KDM4C: variants seen among roughly 807,000 people sequenced by gnomAD.
The protein encoded by KDM4C is lysine demethylase 4C.
A neutral mutation model predicts 129.3 loss-of-function variants in KDM4C; 81 were observed. That is an observed-to-expected ratio of 0.63 (90% CI 0.52 to 0.75). The LOEUF (loss-of-function observed/expected upper bound fraction) is 0.75, where lower values mean the gene tolerates loss of function less well. Among genes scored for constraint, KDM4C ranks in the 30% least tolerant of loss-of-function variants. KDM4C has a pLI of 0.00. For missense variants in KDM4C, 1,457 were observed against 1,304.0 expected, an observed-to-expected ratio of 1.12 and a Z score of -1.81; for synonymous variants, 573 against 456.1, an observed-to-expected ratio of 1.26 and a Z score of -3.26.
intron 1 of KDM4C, among the ~76,000 whole-genome samples, chr9:6,790,705 G>A (rs1385587905): frequency 6.7e-6 from 1 of 148,408 alleles, no homozygotes; most frequent in Non-Finnish European, 1.5e-5. Context: ...TTTCCAGGAG[G>A]ATTTGTTGTT....
rs1236102044 is a variant in KDM4C, at chr9:6,807,403, C to T, written c.320+1629C>T. Reference sequence around the variant, plus strand: ...GCCCAGTCTGGAAAGTGAGGAGCGTCTCCGCCCGGCCGCCATCCCATCTAG... The same window carrying T: ...GCCCAGTCTGGAAAGTGAGGAGCGTTTCCGCCCGGCCGCCATCCCATCTAG... On this transcript the variant is annotated intron_variant, in intron 3 of 21. Coordinates refer to ENST00000381309, the MANE Select transcript of KDM4C (RefSeq NM_015061.6). 1.4e-5 allele frequency among the ~76,000 whole-genome samples: 2 copies of T among 145,586 alleles called. 1 individual carries two copies. Among genetic ancestry groups the T allele is most frequent in the South Asian group, 4.3e-4 (2 of 4,610 alleles).
At chr9:6,728,823 G>A (rs930506230) in intron 1 of KDM4C, among the ~76,000 whole-genome samples, 2 of 152,010 alleles carry the variant, frequency 1.3e-5, no homozygotes, top group East Asian at 3.9e-4. Flanking sequence ...TCCAGCCTAG[G>A]TGACAGAGCG....
At chr9:7,037,198 T>C (rs983160701) in intron 15 of KDM4C, among the ~76,000 whole-genome samples, 1 of 152,210 alleles carries the variant, frequency 6.6e-6, no homozygotes, top group African/African-American at 2.4e-5. Flanking sequence ...GTTTCTGTTA[T>C]GAACGTGTCA....
intron 4 of KDM4C, among the ~76,000 whole-genome samples, chr9:6,823,538 G>A (rs1430234375): frequency 6.6e-6 from 1 of 152,156 alleles, no homozygotes; most frequent in East Asian, 1.9e-4. Flanking sequence ...ATCTCACACT[G>A]TTGTTGGATG....
At chr9:6,905,577 C>T (rs930776682) in intron 8 of KDM4C, among the ~76,000 whole-genome samples, 1 of 152,126 alleles carries the variant, frequency 6.6e-6, no homozygotes, top group Non-Finnish European at 1.5e-5. Context: ...AATCCTAAGC[C>T]CTAAAATGAT....
intron 19 of KDM4C, among the ~76,000 whole-genome samples, chr9:7,141,478 T>G (rs965283833): frequency 6.6e-6 from 1 of 152,174 alleles, no homozygotes; most frequent in African/African-American, 2.4e-5. Flanking sequence ...TTTGGACTAA[T>G]TTAGGATCTG....
At chr9:7,053,495 C>T (rs1212526053) in intron 17 of KDM4C, among the ~76,000 whole-genome samples, 1 of 152,154 alleles carries the variant, frequency 6.6e-6, no homozygotes, top group Non-Finnish European at 1.5e-5. Context: ...CATGGAGATC[C>T]TTTAGCTCAT....
intron 19 of KDM4C, among the ~76,000 whole-genome samples, chr9:7,128,845 G>A (rs1840311999): frequency 6.6e-6 from 1 of 152,060 alleles, no homozygotes; most frequent in Admixed American, 6.6e-5. Context: ...TCCTTCCTCT[G>A]TCCCCTCAGC....
chr9:6,730,433 G>A (rs1028369360), intron 1 of KDM4C, among the ~76,000 whole-genome samples: 6 of 151,776 alleles, frequency 4.0e-5, no homozygotes, highest in African/African-American at 1.5e-4. Flanking sequence ...GGCTAACATG[G>A]TGAAACCCCA....
chr9:6,870,195 G>C (rs567118566), intron 5 of KDM4C, among the ~76,000 whole-genome samples: 11 of 152,270 alleles, frequency 7.2e-5, no homozygotes, highest in African/African-American at 2.4e-4. Flanking sequence ...ACTTCAGGTA[G>C]TGGTTTGCTG....
chr9:7,116,225 C>T (rs1230107623), intron 18 of KDM4C, among the ~76,000 whole-genome samples: 2 of 151,980 alleles, frequency 1.3e-5, no homozygotes, highest in East Asian at 1.9e-4. Flanking sequence ...TTTGTTTGTC[C>T]CTCGAGTGGG....
At chr9:7,068,367 A>C (rs1026021321) in intron 17 of KDM4C, among the ~76,000 whole-genome samples, 1 of 152,188 alleles carries the variant, frequency 6.6e-6, no homozygotes, top group Non-Finnish European at 1.5e-5. Context: ...CTGCATTTCA[A>C]AGCTTTTATG....
chr9:6,758,055 C>G lies in KDM4C; in HGVS notation c.-166C>G. 1 of 985,468 alleles carries G rather than the reference C, an allele frequency of 1.0e-6. No individual in the cohort carries two copies. The highest frequency in any genetic ancestry group is 1.2e-6 in the Non-Finnish European group (1 of 829,960). 61.0% of individuals were successfully genotyped at this position (985,468 alleles called of 1,614,324 possible). ...GGTGAGGCGCGGCGCAGTGATCGGG[C>G]GGCCGGGGTCCTGTGCGCGTGCGCA... On this transcript the variant is annotated 5_prime_UTR_variant, in exon 1 of 22. Coordinates refer to ENST00000381309, the MANE Select transcript of KDM4C (RefSeq NM_015061.6). The surrounding 1 kb of genome is among the most constrained non-coding windows in gnomAD (Gnocchi z 4.6).
intron 8 of KDM4C, among the ~76,000 whole-genome samples, chr9:6,937,226 T>G: frequency 6.6e-6 from 1 of 152,168 alleles, no homozygotes; most frequent in East Asian, 1.9e-4. Context: ...AATTAAAAAT[T>G]TACTCTCCTT....
At chr9:7,125,649 C>G (rs562601299) in intron 18 of KDM4C, among the ~76,000 whole-genome samples, 14 of 152,322 alleles carry the variant, frequency 9.2e-5, no homozygotes, top group South Asian at 6.2e-4. Flanking sequence ...CTCTGATTGA[C>G]TAGTGATTCT....
Position 7,046,879 on chromosome 9 carries a change from T to C in KDM4C, c.2277T>C (p.Asn759=), listed in dbSNP as rs1203501949. ...NAWTAECCLC[N]LRGGALKQTK... is the part of the protein sequence containing the mutation. ...CCCCCCAGGAATGCTGTCTCTGCAA[T>C]TTGAGAGGAGGTGCTCTTAAGCAAA... The change falls in exon 16 of 22, where the codon AAT becomes AAC. Residue 759 remains asparagine, a synonymous_variant. Coordinates refer to ENST00000381309, the MANE Select transcript of KDM4C (RefSeq NM_015061.6). 6.2e-7 allele frequency: 1 copy of C among 1,607,558 alleles called. No homozygotes were observed. Among genetic ancestry groups the C allele is most frequent in the South Asian group, 1.1e-5 (1 of 90,770 alleles).
rs536079809 is a variant in KDM4C at position 6,961,259 on chromosome 9, C to G, written c.922-19666C>G. 2.6e-5 allele frequency among the ~76,000 whole-genome samples: 4 copies of G among 152,098 alleles called. No homozygotes were observed. The East Asian group carries it at 7.7e-4, about 29-fold the overall frequency. ...TAGAAAAGGATGGCTTGATAATTAT[C>G]CAGTGGTAATTATGGAGGACAGTCT... On this transcript the variant is annotated intron_variant, in intron 8 of 21. Transcript: ENST00000381309.
At chr9:6,835,133 C>T (rs1254381265) in intron 4 of KDM4C, 2 of 994,942 alleles carry the variant, frequency 2.0e-6, no homozygotes, top group East Asian at 4.8e-5. Flanking sequence ...CAGGAGATGG[C>T]CATGGCGGCT....
chr9:7,008,465 C>G (rs1822084283), intron 12 of KDM4C, among the ~76,000 whole-genome samples: 1 of 152,208 alleles, frequency 6.6e-6, no homozygotes, highest in Non-Finnish European at 1.5e-5. Flanking sequence ...AGACAACCCC[C>G]ACAGACCCAG....
Sources: gnomAD v4.1 joint callset for allele counts (sites outside exome capture counted in the v4.1 genomes callset) on GRCh38, gnomAD v4.1.1 for gene constraint, Gnocchi (gnomAD v3.1) non-coding constraint, MANE v1.5 for transcripts, NCBI Gene and HGNC (gene_info 2026-07-23, HGNC 2026-07-21) for gene names.